Variants in MIS18A observed in about 807,000 individuals in gnomAD.
MIS18A encodes the protein protein Mis18-alpha.
A neutral mutation model predicts 25.0 loss-of-function variants in MIS18A; 14 were observed. That is an observed-to-expected ratio of 0.56 (90% CI 0.37 to 0.88). The LOEUF is 0.88. MIS18A is among the 40% of genes least tolerant of loss of function. The probability of loss-of-function intolerance (pLI) is 0.00; values close to 1 mark genes in which losing one functional copy is unlikely to be tolerated. For missense variants in MIS18A, 292 were observed against 290.8 expected (o/e 1.00, Z -0.03); for synonymous variants, 134 against 118.6 (o/e 1.13, Z -0.84).
chr21:32,268,002 T>C (rs1305927726), downstream of MIS18A, among the ~76,000 whole-genome samples: 13 of 152,212 alleles, frequency 8.5e-5, no homozygotes, highest in Admixed American at 6.5e-4. Flanking sequence ...TCACAAGTAA[T>C]CAGGGAACTT....
the MIS18A span, among the ~76,000 whole-genome samples, chr21:32,199,793 G>A: frequency 5.9e-5 from 9 of 152,082 alleles, no homozygotes; most frequent in African/African-American, 1.9e-4. Flanking sequence ...GCAACAGAGC[G>A]AGACTCTGTC....
the MIS18A span, among the ~76,000 whole-genome samples, chr21:32,239,156 T>C: frequency 6.6e-6 from 1 of 152,212 alleles, no homozygotes; most frequent in Non-Finnish European, 1.5e-5. Flanking sequence ...CATGCTTCAA[T>C]AGTGGGGGAA....
chr21:32,183,676 C>T, the MIS18A span, among the ~76,000 whole-genome samples: 66 of 152,330 alleles, frequency 4.3e-4, no homozygotes, highest in African/African-American at 1.5e-3. Context: ...ATCCCAGCTG[C>T]TGACACACCT....
Position 32,277,200 on chromosome 21 carries a change from A to T in MIS18A, c.334+1481T>A, listed in dbSNP as rs1006460039. Among the ~76,000 whole-genome samples the T allele has an allele frequency of 2.6e-5, 4 of 152,206 alleles. No individual in the cohort carries two copies. The East Asian group carries it at 7.7e-4, about 29-fold the overall frequency. ...AAATCAAAAAATGTATAGTTCTTTA[A>T]ATTTTAAACTACTATTTTAGAACTA... is the stretch of plus-strand genomic sequence containing the variant. On this transcript the variant is annotated intron_variant, in intron 1 of 4. Coordinates refer to ENST00000290130, the MANE Select transcript of MIS18A (RefSeq NM_018944.3).
the MIS18A span, among the ~76,000 whole-genome samples, chr21:32,185,767 T>C: frequency 6.6e-6 from 1 of 152,020 alleles, no homozygotes; most frequent in Non-Finnish European, 1.5e-5. Context: ...TAAAGTCCAA[T>C]ATCACCTGAA....
At chr21:32,173,084 A>C in the MIS18A span, among the ~76,000 whole-genome samples, 6 of 151,442 alleles carry the variant, frequency 4.0e-5, no homozygotes, top group East Asian at 9.7e-4. Context: ...ACACCAAAGC[A>C]TAACAAAAAA....
the MIS18A span, among the ~76,000 whole-genome samples, chr21:32,245,458 G>A: frequency 1.3e-5 from 2 of 152,208 alleles, no homozygotes; most frequent in African/African-American, 2.4e-5. Flanking sequence ...GAGGGACGAA[G>A]AGTCAAAATT....
At chr21:32,211,353 T>A in the MIS18A span, among the ~76,000 whole-genome samples, 1 of 152,230 alleles carries the variant, frequency 6.6e-6, no homozygotes, top group Non-Finnish European at 1.5e-5. Context: ...GCAGGATTAT[T>A]AATTGGAGAA....
At chr21:32,244,101 C>T in the MIS18A span, among the ~76,000 whole-genome samples, 1 of 152,130 alleles carries the variant, frequency 6.6e-6, no homozygotes, top group African/African-American at 2.4e-5. Flanking sequence ...CTAGTGATTC[C>T]TGCAATAACA....
the MIS18A span, among the ~76,000 whole-genome samples, chr21:32,181,205 C>T: frequency 6.6e-6 from 1 of 152,122 alleles, no homozygotes; most frequent in Non-Finnish European, 1.5e-5. Flanking sequence ...TTTTCCTGCC[C>T]TCAGCACTCC....
chr21:32,271,029 T>TA (rs936833858), intron 2 of MIS18A, among the ~76,000 whole-genome samples: 35 of 151,474 alleles, frequency 2.3e-4, no homozygotes, highest in African/African-American at 5.6e-4. Flanking sequence ...CTTGGCTTAA[T>TA]AAAAAAAAAG....
chr21:32,193,517 TAGATGGATA>T, the MIS18A span, among the ~76,000 whole-genome samples: 1 of 107,224 alleles, frequency 9.3e-6, no homozygotes, highest in Non-Finnish European at 2.1e-5. Flanking sequence ...GATAGATAGA[TAGATGGATA>T]GATCGATCGA....
At chr21:32,190,216 C>T in the MIS18A span, among the ~76,000 whole-genome samples, 4 of 152,198 alleles carry the variant, frequency 2.6e-5, no homozygotes, top group South Asian at 8.3e-4. Context: ...GTCTCTCTCT[C>T]TCTCTTTTCT....
the MIS18A span, among the ~76,000 whole-genome samples, chr21:32,228,522 A>G: frequency 5.3e-5 from 8 of 152,326 alleles, no homozygotes; most frequent in Admixed American, 2.0e-4. Context: ...AGAAAGAGAA[A>G]TAAAAGACAT....
At chr21:32,248,568 C>G in the MIS18A span, among the ~76,000 whole-genome samples, 1 of 152,232 alleles carries the variant, frequency 6.6e-6, no homozygotes, top group Admixed American at 6.5e-5. Flanking sequence ...GTCGGAGCCA[C>G]AGGTAAACAA....
chr21:32,215,418 A>G, the MIS18A span, among the ~76,000 whole-genome samples: 1 of 152,136 alleles, frequency 6.6e-6, no homozygotes, highest in Non-Finnish European at 1.5e-5. Flanking sequence ...AACAGAAAAG[A>G]TTGTGGCTTC....
chr21:32,208,239 C>A, the MIS18A span, among the ~76,000 whole-genome samples: 2 of 152,168 alleles, frequency 1.3e-5, no homozygotes, highest in African/African-American at 4.8e-5. Context: ...GTGTCCCCAC[C>A]AAATCTCTTG....
chr21:32,219,446 C>T, the MIS18A span, among the ~76,000 whole-genome samples: 1 of 152,144 alleles, frequency 6.6e-6, no homozygotes, highest in Non-Finnish European at 1.5e-5. Flanking sequence ...CTATCCAGCC[C>T]AGATACTATG....
the MIS18A span, among the ~76,000 whole-genome samples, chr21:32,252,230 AAGAAGAAGAAGGAGGAGGAGG>A: frequency 9.3e-4 from 86 of 92,328 alleles, 1 homozygote; most frequent in South Asian, 5.5e-3. Flanking sequence ...GAAGAAGAAG[AAGAAGAAGAAGGAGGAGGAGG>A]AGGAGGAGGA....
Sources: allele counts gnomAD v4.1 joint callset (sites outside exome capture counted in the v4.1 genomes callset), GRCh38; gene constraint gnomAD v4.1.1; transcripts MANE v1.5; gene names NCBI Gene and HGNC (gene_info 2026-07-23, HGNC 2026-07-21).